Variants in BRPF3 observed in about 807,000 individuals in gnomAD.
The protein encoded by BRPF3 is bromodomain and PHD finger containing 3, also known as bromodomain and PHD finger-containing protein 3.
A neutral mutation model predicts 102.0 loss-of-function variants in BRPF3; 18 were observed. The ratio of observed to expected loss-of-function variants is 0.18; its 90% CI spans 0.12 to 0.26. BRPF3 has a LOEUF of 0.26. Ranked by LOEUF, BRPF3 falls within the 10% of genes least tolerant of loss-of-function variation. The probability of loss-of-function intolerance (pLI) is 1.00; values close to 1 mark genes in which losing one functional copy is unlikely to be tolerated. For synonymous variants in BRPF3, 570 were observed against 614.2 expected (o/e 0.93, Z 1.06); for missense variants, 1,147 against 1,567.8 (o/e 0.73, Z 4.53).
chr6:36,217,864 G>T (rs775919624), intron 8 of BRPF3, 53 bp from the exon 9 acceptor site: 1 of 1,536,388 alleles, frequency 6.5e-7, no homozygotes, highest in Non-Finnish European at 9.0e-7. Flanking sequence ...CCTGTAGCAT[G>T]TGTTGGGAAG....
intron 10 of BRPF3, among the ~76,000 whole-genome samples, chr6:36,222,898 AC>A (rs1276022201): frequency 6.6e-6 from 1 of 152,232 alleles, no homozygotes; most frequent in Non-Finnish European, 1.5e-5. Context: ...AAGTGGAATT[AC>A]TGAATTGAAG....
Position 36,204,715 on chromosome 6 carries a change from G to A in BRPF3, c.1506G>A (p.Arg502=), listed in dbSNP as rs1767842669. ...AGAGGAAAAACCAGTTTATGCAGCG[G>A]CTTCACAATTATTGGCTGTTGAAGC... is the stretch of plus-strand genomic sequence containing the variant. ...SFQRKNQFMQ[R]LHNYWLLKRQ... The change falls in exon 3 of 13, where the codon CGG becomes CGA. Residue 502 remains arginine (R), a synonymous_variant. Transcript: ENST00000357641. 3.1e-6 allele frequency: 5 copies of A among 1,614,204 alleles called. No individual in the cohort carries two copies. The highest frequency in any genetic ancestry group is 3.3e-4 in the Middle Eastern group (2 of 6,062).
chr6:36,207,904 C>T (rs1281541305), intron 4 of BRPF3, among the ~76,000 whole-genome samples: 2 of 152,166 alleles, frequency 1.3e-5, no homozygotes, highest in Non-Finnish European at 2.9e-5. Flanking sequence ...AGCCCTTGAG[C>T]ATAGGAAATG....
chr6:36,227,693 A>C (rs1186493616), intron 11 of BRPF3, among the ~76,000 whole-genome samples: 2 of 152,212 alleles, frequency 1.3e-5, no homozygotes, highest in Non-Finnish European at 2.9e-5. Context: ...AAGGGCTTGT[A>C]TGGTGGTTCT....
intron 10 of BRPF3, among the ~76,000 whole-genome samples, chr6:36,223,129 A>G (rs944280972): frequency 1.3e-5 from 2 of 152,140 alleles, no homozygotes. Context: ...CTCTGAGCTC[A>G]TCTCTGTCCA....
intron 9 of BRPF3, among the ~76,000 whole-genome samples, chr6:36,220,448 G>A (rs1267082972): frequency 6.6e-6 from 1 of 152,164 alleles, no homozygotes; most frequent in Non-Finnish European, 1.5e-5. Context: ...GTAACTTGCT[G>A]AAGGTTACAG....
chr6:36,214,058 A>G lies in BRPF3; in HGVS notation c.2661A>G (p.Pro887=), dbSNP rs142744431. ...AAGATGAGCTCTTGGAAAAATCACC[A>G]CTGCAGCTAGGGAATGAGCCTTTGC... ...VEEDELLEKS[P]LQLGNEPLQR... is the part of the protein sequence containing the mutation. Residue 887 remains proline (P), a synonymous_variant, in exon 8 of 13, where the codon CCA becomes CCG. Coordinates refer to ENST00000357641, the MANE Select transcript of BRPF3 (RefSeq NM_015695.3). The G allele has an allele frequency of 1.1e-5, 18 of 1,613,862 alleles. No individual in the cohort carries two copies. The highest frequency in any genetic ancestry group is 1.4e-5 in the Non-Finnish European group (16 of 1,180,004).
intron 3 of BRPF3, among the ~76,000 whole-genome samples, chr6:36,205,965 C>T (rs1482783680): frequency 6.6e-6 from 1 of 152,150 alleles, no homozygotes; most frequent in Non-Finnish European, 1.5e-5. Flanking sequence ...TATGGCTCTC[C>T]CCTCCCTCCT....
chr6:36,198,721 C>T (rs947573137), intron 1 of BRPF3, among the ~76,000 whole-genome samples: 2 of 152,176 alleles, frequency 1.3e-5, no homozygotes, highest in Non-Finnish European at 2.9e-5. Flanking sequence ...TCTTTGAAAT[C>T]TTCTCTTTGT....
rs532831305 is a variant in BRPF3 at position 36,204,200 on chromosome 6, A to G, written c.1449-458A>G. The stretch of plus-strand genomic sequence containing the variant: ...AAGTCTAAGGGGTTGCATTGGGCTC[A>G]GCCTGGTTGTGGGCTACCCCCTGGT... On this transcript the variant is annotated intron_variant, in intron 2 of 12. Coordinates refer to ENST00000357641, the MANE Select transcript of BRPF3 (RefSeq NM_015695.3). Among the ~76,000 whole-genome samples, 6 of 152,332 alleles carry G rather than the reference A, an allele frequency of 3.9e-5. No homozygotes were observed. The South Asian group carries it at 1.2e-3, about 32-fold the overall frequency.
Position 36,225,256 on chromosome 6 carries a change from C to G in BRPF3, c.3182-11C>G. On this transcript the variant is annotated splice_polypyrimidine_tract_variant and intron_variant, in intron 10 of 12. Coordinates refer to ENST00000357641, the MANE Select transcript of BRPF3 (RefSeq NM_015695.3). ...CTTTGGGTGCTGTCTCCTCCCCTCCCCCACCCCCAGGCAGAAGCCTCCTGC... is the reference window on the plus strand; with the variant it reads ...CTTTGGGTGCTGTCTCCTCCCCTCCGCCACCCCCAGGCAGAAGCCTCCTGC... 1 of 1,604,134 alleles carries G rather than the reference C, an allele frequency of 6.2e-7. No homozygotes were observed. Among genetic ancestry groups the G allele is most frequent in the South Asian group, 1.1e-5 (1 of 91,034 alleles).
chr6:36,227,992 A>G (rs1768801980), intron 11 of BRPF3, among the ~76,000 whole-genome samples: 2 of 152,214 alleles, frequency 1.3e-5, no homozygotes, highest in African/African-American at 2.4e-5. Flanking sequence ...GTAAGTTCCT[A>G]GTCTTTGCTC....
intron 12 of BRPF3, 55 bp downstream of exon 12, chr6:36,229,111 T>C (rs1768845806): frequency 1.9e-6 from 3 of 1,586,770 alleles, no homozygotes; most frequent in Non-Finnish European, 1.7e-6. Context: ...TCTGTGCCAG[T>C]GGTGCTGTGC....
rs1167345421 is a variant in BRPF3, at chr6:36,210,293, C to T, written c.1944C>T (p.Tyr648=). The change falls in exon 6 of 13, where the codon TAC becomes TAT. Residue 648 remains tyrosine, a synonymous_variant. Transcript: ENST00000357641. This position sits in a 1 kb window ranked among gnomAD's most constrained non-coding sequence, Gnocchi z 4.7. ...GGCGGAAGCTGGAGTCCCACCTGTACCGCACCTTGGAGGAGTTTGAGGAGG... is the reference window on the plus strand; with the variant it reads ...GGCGGAAGCTGGAGTCCCACCTGTATCGCACCTTGGAGGAGTTTGAGGAGG... ...TMRRKLESHL[Y]RTLEEFEEDF... The T allele has an allele frequency of 6.2e-7, 1 of 1,614,230 alleles. No individual in the cohort carries two copies. The highest frequency in any genetic ancestry group is 2.2e-5 in the East Asian group (1 of 44,880).
chr6:36,207,307 C>T lies in BRPF3; in HGVS notation c.1606-6C>T. On this transcript the variant is annotated splice_region_variant and splice_polypyrimidine_tract_variant and intron_variant, in intron 3 of 12. Coordinates refer to ENST00000357641, the MANE Select transcript of BRPF3 (RefSeq NM_015695.3). The stretch of plus-strand genomic sequence containing the variant: ...TTCCTAGTCCCTCTTCTCTTCCCTC[C>T]TGTAGCGAGAGCAGGATGAGAAGAC... The T allele has an allele frequency of 5.0e-6, 8 of 1,613,230 alleles. No individual in the cohort carries two copies. The highest frequency in any genetic ancestry group is 5.9e-6 in the Non-Finnish European group (7 of 1,179,630).
Position 36,200,994 on chromosome 6 carries a change from C to A in BRPF3, c.672C>A (p.His224Gln), listed in dbSNP as rs1767677306. 6.2e-7 allele frequency: 1 copy of A among 1,614,054 alleles called. No individual in the cohort carries two copies. Among genetic ancestry groups the A allele is most frequent in the African/African-American group, 1.3e-5 (1 of 74,914 alleles). ...FCCVCLDDEC[H>Q]NSNVILFCDI... The stretch of plus-strand genomic sequence containing the variant: ...GTGTGTGCCTGGATGATGAATGTCA[C>A]AATAGCAATGTTATTCTCTTCTGTG... Residue 224 changes from histidine to glutamine, a missense_variant, in exon 2 of 13, where the codon CAC becomes CAA. This residue lies in a region of BRPF3 where 221 missense variants were observed against 337.1 expected (regional missense o/e 0.66). Coordinates refer to ENST00000357641, the MANE Select transcript of BRPF3 (RefSeq NM_015695.3). The surrounding 1 kb of genome is among the most constrained non-coding windows in gnomAD (Gnocchi z 5.3).
chr6:36,219,394 G>C (rs1318254688), intron 9 of BRPF3, among the ~76,000 whole-genome samples: 1 of 152,168 alleles, frequency 6.6e-6, no homozygotes, highest in African/African-American at 2.4e-5. Context: ...CCTGGCCCTG[G>C]GTTGAAGTTC....
intron 10 of BRPF3, among the ~76,000 whole-genome samples, chr6:36,224,219 T>A (rs928005697): frequency 2.0e-5 from 3 of 152,148 alleles, no homozygotes; most frequent in African/African-American, 7.2e-5. Context: ...ATAAATAAAA[T>A]TTTTTAAAAA....
At chr6:36,199,415 T>C (rs999480689) in intron 1 of BRPF3, among the ~76,000 whole-genome samples, 1 of 152,236 alleles carries the variant, frequency 6.6e-6, no homozygotes, top group African/African-American at 2.4e-5. Context: ...TGGGGACTGC[T>C]GTCCTGGATG....
Sources: allele counts gnomAD v4.1 joint callset (sites outside exome capture counted in the v4.1 genomes callset), GRCh38; gene constraint gnomAD v4.1.1; regional missense constraint gnomAD v4.1.1; non-coding constraint Gnocchi (gnomAD v3.1); transcripts MANE v1.5; gene names NCBI Gene and HGNC (gene_info 2026-07-23, HGNC 2026-07-21).